BMPER: variants seen among roughly 807,000 people sequenced by gnomAD.
BMPER encodes the protein BMP binding endothelial regulator, also known as BMP-binding endothelial regulator protein.
A neutral mutation model predicts 87.3 loss-of-function variants in BMPER; 45 were observed. The ratio of observed to expected loss-of-function variants is 0.52; its 90% CI spans 0.41 to 0.66. The LOEUF is 0.66. Ranked by LOEUF, BMPER falls within the 30% of genes least tolerant of loss-of-function variation. BMPER has a pLI of 0.00. For synonymous variants in BMPER, 326 were observed against 316.2 expected, an observed-to-expected ratio of 1.03 and a Z score of -0.33; for missense variants, 784 against 867.5, an observed-to-expected ratio of 0.90 and a Z score of 1.21.
rs900293339 is a variant in BMPER, at chr7:33,920,679, C to T, written c.219+13776C>T. Among the ~76,000 whole-genome samples, 7 of 151,702 alleles carry T rather than the reference C, an allele frequency of 4.6e-5. No homozygotes were observed. The East Asian group carries it at 9.7e-4, about 21-fold the overall frequency. On this transcript the variant is annotated intron_variant, in intron 2 of 14. Transcript: ENST00000649409. ...GACTTTGTGATCTGTCCACCTTGGC[C>T]CCCCCAAAGTGCTGGGATTACAGGC...
At chr7:33,976,726 G>A (rs1785696708) in intron 6 of BMPER, among the ~76,000 whole-genome samples, 1 of 152,104 alleles carries the variant, frequency 6.6e-6, no homozygotes, top group African/African-American at 2.4e-5. Flanking sequence ...TTTAGAAGGT[G>A]GTAAAGAGAA....
intron 6 of BMPER, among the ~76,000 whole-genome samples, chr7:33,982,743 T>TA (rs1785898342): frequency 6.6e-6 from 1 of 152,312 alleles, no homozygotes; most frequent in South Asian, 2.1e-4. Context: ...AATGCACAAC[T>TA]ATTGTTATGG....
chr7:34,066,719 T>C (rs1788603199), intron 11 of BMPER, among the ~76,000 whole-genome samples: 1 of 152,162 alleles, frequency 6.6e-6, no homozygotes, highest in Non-Finnish European at 1.5e-5. Context: ...CTGAATCAGA[T>C]AAATTCTTTG....
intron 3 of BMPER, among the ~76,000 whole-genome samples, chr7:33,940,428 C>T (rs772924356): frequency 2.0e-5 from 3 of 152,196 alleles, no homozygotes; most frequent in East Asian, 1.9e-4. Flanking sequence ...AAGAGCCTTG[C>T]GTAGTAAAGG....
chr7:34,068,834 T>C (rs1299570774), intron 11 of BMPER, among the ~76,000 whole-genome samples: 1 of 152,192 alleles, frequency 6.6e-6, no homozygotes, highest in Non-Finnish European at 1.5e-5. Context: ...AATATGAGGT[T>C]AGACCTCTCA....
chr7:34,038,636 T>C (rs1185874638), intron 6 of BMPER, among the ~76,000 whole-genome samples: 1 of 152,226 alleles, frequency 6.6e-6, no homozygotes, highest in Non-Finnish European at 1.5e-5. Flanking sequence ...TGTTTCAGGC[T>C]TGGTTCTCAA....
intron 6 of BMPER, among the ~76,000 whole-genome samples, chr7:34,035,147 A>G (rs1787629781): frequency 1.3e-5 from 2 of 152,206 alleles, no homozygotes; most frequent in Non-Finnish European, 2.9e-5. Flanking sequence ...ATGAGTTTGA[A>G]TGAATAGTGC....
At chr7:33,905,256 G>C (rs1783776051), upstream of BMPER, 1 of 359,504 alleles carries the variant, frequency 2.8e-6, no homozygotes, top group Admixed American at 4.0e-5. Context: ...CAGCGCCGCA[G>C]CTCCTCTCAG....
intron 2 of BMPER, among the ~76,000 whole-genome samples, chr7:33,919,140 T>G (rs1784155312): frequency 6.6e-6 from 1 of 152,216 alleles, no homozygotes; most frequent in Non-Finnish European, 1.5e-5. Flanking sequence ...AAAATTTTCT[T>G]AAATTACTTT....
chr7:33,905,436 T>TCCCC, upstream of BMPER: 1 of 20,334 alleles, frequency 4.9e-5, no homozygotes, highest in Non-Finnish European at 9.2e-5. Flanking sequence ...CACCTTGGTC[T>TCCCC]CTCCCCCCGC....
At chr7:34,062,432 A>G (rs1012672469) in intron 11 of BMPER, among the ~76,000 whole-genome samples, 1 of 152,216 alleles carries the variant, frequency 6.6e-6, no homozygotes, top group Non-Finnish European at 1.5e-5. Flanking sequence ...TTCTCCCATT[A>G]TAAAGCCAAA....
intron 6 of BMPER, among the ~76,000 whole-genome samples, chr7:34,008,088 A>G (rs1040380919): frequency 6.6e-6 from 1 of 152,038 alleles, no homozygotes; most frequent in Admixed American, 6.6e-5. Flanking sequence ...ATATTTATCA[A>G]ATTTAAGAAG....
chr7:33,998,055 G>T (rs1230273919), intron 6 of BMPER, among the ~76,000 whole-genome samples: 1 of 152,158 alleles, frequency 6.6e-6, no homozygotes, highest in Non-Finnish European at 1.5e-5. Context: ...TTAGGACTGG[G>T]ACATTGTTTT....
At chr7:34,050,016 C>G (rs938739311) in intron 7 of BMPER, among the ~76,000 whole-genome samples, 1 of 152,116 alleles carries the variant, frequency 6.6e-6, no homozygotes, top group African/African-American at 2.4e-5. Flanking sequence ...GCACAGCTTT[C>G]TGATGCCTCA....
At chr7:34,144,727 T>C (rs1456525607) in intron 14 of BMPER, among the ~76,000 whole-genome samples, 1 of 152,168 alleles carries the variant, frequency 6.6e-6, no homozygotes, top group East Asian at 1.9e-4. Flanking sequence ...TTATTTAGAT[T>C]TGAAGGAGAA....
intron 6 of BMPER, among the ~76,000 whole-genome samples, chr7:34,040,692 G>T (rs1301794812): frequency 6.6e-6 from 1 of 152,148 alleles, no homozygotes; most frequent in Non-Finnish European, 1.5e-5. Flanking sequence ...GGTGAGTAAA[G>T]GTCCTGTGTT....
At chr7:34,110,317 C>T (rs1319404434) in intron 13 of BMPER, among the ~76,000 whole-genome samples, 1 of 152,198 alleles carries the variant, frequency 6.6e-6, no homozygotes, top group Non-Finnish European at 1.5e-5. Flanking sequence ...CTCAGCTTCT[C>T]CCACCTGCTC....
chr7:34,104,700 T>C (rs1585839077), intron 13 of BMPER, among the ~76,000 whole-genome samples: 1 of 152,136 alleles, frequency 6.6e-6, no homozygotes, highest in African/African-American at 2.4e-5. Flanking sequence ...TGGTGGCTGG[T>C]GAAGCCCCTA....
intron 2 of BMPER, among the ~76,000 whole-genome samples, chr7:33,908,063 G>C (rs1335288662): frequency 6.6e-6 from 1 of 152,106 alleles, no homozygotes; most frequent in Non-Finnish European, 1.5e-5. Context: ...ATAAAACAGA[G>C]CTGAGAGAGG....
Sources: allele counts gnomAD v4.1 joint callset (sites outside exome capture counted in the v4.1 genomes callset), GRCh38; gene constraint gnomAD v4.1.1; transcripts MANE v1.5; gene names NCBI Gene and HGNC (gene_info 2026-07-23, HGNC 2026-07-21).